The following ATRNL1 variants were observed in gnomAD, a reference collection of about 807,000 sequenced individuals.
ATRNL1 encodes the protein attractin-like protein 1.
In ATRNL1, 95 loss-of-function variants were observed where a neutral mutation model predicts 182.7. The ratio of observed to expected loss-of-function variants is 0.52; its 90% CI spans 0.44 to 0.62. The LOEUF (loss-of-function observed/expected upper bound fraction) is 0.62, where lower values mean the gene tolerates loss of function less well. Among genes scored for constraint, ATRNL1 ranks in the 20% least tolerant of loss-of-function variants. The pLI is 0.00. For missense variants in ATRNL1, 1,471 were observed against 1,679.5 expected, an observed-to-expected ratio of 0.88 and a Z score of 2.17; for synonymous variants, 576 against 568.3, an observed-to-expected ratio of 1.01 and a Z score of -0.19.
chr10:115,229,765 C>A (rs1256893330), intron 9 of ATRNL1, among the ~76,000 whole-genome samples: 1 of 152,042 alleles, frequency 6.6e-6, no homozygotes, highest in Non-Finnish European at 1.5e-5. Flanking sequence ...AAGTACTTAT[C>A]TCTGTAGCTT....
intron 19 of ATRNL1, among the ~76,000 whole-genome samples, chr10:115,346,597 G>A (rs1592494557): frequency 6.6e-6 from 1 of 152,196 alleles, no homozygotes; most frequent in East Asian, 1.9e-4. Flanking sequence ...TTTGGCTGTT[G>A]TAAATAATGC....
intron 8 of ATRNL1, among the ~76,000 whole-genome samples, chr10:115,190,489 A>G (rs1306811875): frequency 2.0e-5 from 3 of 152,032 alleles, no homozygotes; most frequent in African/African-American, 4.8e-5. Context: ...CAGCCATTCT[A>G]TTACTTTATA....
At chr10:115,641,225 T>G (rs1435169265) in intron 26 of ATRNL1, among the ~76,000 whole-genome samples, 5 of 152,212 alleles carry the variant, frequency 3.3e-5, no homozygotes, top group Admixed American at 1.3e-4. Context: ...AACATTATAT[T>G]AAAGCTTTTA....
At chr10:115,155,885 G>A (rs984645672) in intron 5 of ATRNL1, among the ~76,000 whole-genome samples, 1 of 152,088 alleles carries the variant, frequency 6.6e-6, no homozygotes, top group Admixed American at 6.6e-5. Context: ...GTGGGTGGTG[G>A]CTTGGACTGA....
intron 13 of ATRNL1, among the ~76,000 whole-genome samples, chr10:115,280,318 A>C (rs1466795929): frequency 6.6e-6 from 1 of 152,218 alleles, no homozygotes; most frequent in Non-Finnish European, 1.5e-5. Flanking sequence ...ACATTCAGTT[A>C]CGTTGCCTGC....
chr10:115,698,660 C>T (rs1555050552), intron 26 of ATRNL1, among the ~76,000 whole-genome samples: 2 of 151,992 alleles, frequency 1.3e-5, no homozygotes, highest in African/African-American at 4.8e-5. Context: ...GGCCTGTAGT[C>T]CCAGCTACTC....
At chr10:115,196,628 G>A (rs1383000970) in intron 8 of ATRNL1, among the ~76,000 whole-genome samples, 1 of 151,934 alleles carries the variant, frequency 6.6e-6, no homozygotes, top group Non-Finnish European at 1.5e-5. Flanking sequence ...ATATACTGGT[G>A]TTGTACATAG....
chr10:115,391,244 T>C (rs1348855792), intron 19 of ATRNL1, among the ~76,000 whole-genome samples: 2 of 152,228 alleles, frequency 1.3e-5, no homozygotes, highest in East Asian at 3.8e-4. Context: ...TCTTTTTGAT[T>C]ATAGAAAAAA....
chr10:115,512,465 G>A (rs1333053841), intron 24 of ATRNL1, among the ~76,000 whole-genome samples: 22 of 151,650 alleles, frequency 1.5e-4, no homozygotes, highest in African/African-American at 5.1e-4. Context: ...GCTAAATCTT[G>A]CTATTGAATC....
chr10:115,388,224 T>A (rs920589292), intron 19 of ATRNL1, among the ~76,000 whole-genome samples: 5 of 152,194 alleles, frequency 3.3e-5, no homozygotes, highest in African/African-American at 1.2e-4. Context: ...TGTGCTGGTT[T>A]CTACTAGGTG....
At chr10:115,649,736 A>T (rs1859863596) in intron 26 of ATRNL1, among the ~76,000 whole-genome samples, 1 of 152,166 alleles carries the variant, frequency 6.6e-6, no homozygotes, top group African/African-American at 2.4e-5. Context: ...TAAGGGCATG[A>T]TCTGTTTTCC....
At position 115,688,381 on chromosome 10, in the gene ATRNL1, A is replaced by C. The variant is rs533084348; in HGVS notation, c.3796-38867A>C. Among the ~76,000 whole-genome samples the C allele has an allele frequency of 2.6e-5, 4 of 152,202 alleles. No homozygotes were observed. In the East Asian group the frequency reaches 7.7e-4, roughly 29 times the overall value. On this transcript the variant is annotated intron_variant, in intron 26 of 28. Coordinates refer to ENST00000355044, the MANE Select transcript of ATRNL1 (RefSeq NM_207303.4). ...TTGGTATACTTTAAGTTTTATGAGA[A>C]ACCTCTCTACTGTTTCCACAGTGGC...
intron 26 of ATRNL1, among the ~76,000 whole-genome samples, chr10:115,655,745 A>C (rs908420591): frequency 2.3e-4 from 35 of 152,308 alleles, no homozygotes; most frequent in African/African-American, 8.2e-4. Context: ...AATTAATGAA[A>C]GTTCTGTTTA....
At chr10:115,299,670 T>C (rs1853375377) in intron 15 of ATRNL1, among the ~76,000 whole-genome samples, 1 of 151,842 alleles carries the variant, frequency 6.6e-6, no homozygotes, top group Admixed American at 6.6e-5. Flanking sequence ...TTGATAGTAG[T>C]AATAGTAATA....
At position 115,835,464 on chromosome 10, in the gene ATRNL1, A is replaced by C. The variant is rs141935338; in HGVS notation, c.3904-12413A>C. Among the ~76,000 whole-genome samples the C allele has an allele frequency of 6.0e-3, 908 of 152,304 alleles. 2 individuals carry two copies. Among genetic ancestry groups the C allele is most frequent in the Non-Finnish European group, 9.5e-3 (647 of 68,026 alleles). On this transcript the variant is annotated intron_variant, in intron 27 of 28. Transcript: ENST00000355044. ...AAATCACCATCAGAATTGCCAGCCA[A>C]GGTAGGAAAATTGAAGAGGAAGGTT...
intron 27 of ATRNL1, among the ~76,000 whole-genome samples, chr10:115,788,195 T>A (rs1949441708): frequency 1.3e-5 from 2 of 152,226 alleles, no homozygotes; most frequent in African/African-American, 4.8e-5. Context: ...TCTGAGTTGA[T>A]ACTGGGTTTC....
intron 21 of ATRNL1, among the ~76,000 whole-genome samples, chr10:115,445,506 C>CGTGTGTGTGTGT (rs57237450): frequency 1.7e-5 from 2 of 119,256 alleles, no homozygotes; most frequent in African/African-American, 6.2e-5. Context: ...CTCATTTGTC[C>CGTGTGTGTGTGT]GTGTGTGTGT....
intron 19 of ATRNL1, among the ~76,000 whole-genome samples, chr10:115,352,620 C>A (rs1229393223): frequency 1.3e-5 from 2 of 151,958 alleles, no homozygotes; most frequent in Non-Finnish European, 2.9e-5. Context: ...CTAGTTAATT[C>A]CACTGTTGTT....
intron 1 of ATRNL1, among the ~76,000 whole-genome samples, chr10:115,094,630 A>G (rs895176570): frequency 7.0e-4 from 107 of 152,246 alleles, no homozygotes; most frequent in African/African-American, 2.5e-3. Flanking sequence ...TTTCTCATTT[A>G]TTCCCTACAA....
Sources: gnomAD v4.1 joint callset for allele counts (sites outside exome capture counted in the v4.1 genomes callset) on GRCh38, gnomAD v4.1.1 for gene constraint, MANE v1.5 for transcripts, NCBI Gene and HGNC (gene_info 2026-07-23, HGNC 2026-07-21) for gene names.